Variants in SCAP observed in about 807,000 individuals in gnomAD.
SCAP encodes the protein SREBF chaperone, also known as sterol regulatory element-binding protein cleavage-activating protein.
A neutral mutation model predicts 123.6 loss-of-function variants in SCAP; 65 were observed. That is an observed-to-expected ratio of 0.53 (90% CI 0.43 to 0.65). The LOEUF is 0.65. Ranked by LOEUF, SCAP falls within the 30% of genes least tolerant of loss-of-function variation. SCAP has a pLI of 0.00. For synonymous variants in SCAP, 740 were observed against 726.3 expected (o/e 1.02, Z -0.30); for missense variants, 1,398 against 1,712.5 (o/e 0.82, Z 3.24).
intron 1 of SCAP, chr3:47,469,789 C>A: frequency 3.7e-6 from 2 of 543,586 alleles, no homozygotes; most frequent in South Asian, 2.9e-5. Flanking sequence ...ATTCATTGCT[C>A]AACAAGGAAG....
chr3:47,422,052 C>A (rs778951286), intron 10 of SCAP, among the ~76,000 whole-genome samples: 1 of 152,264 alleles, frequency 6.6e-6, no homozygotes, highest in African/African-American at 2.4e-5. Flanking sequence ...GGTCTAGGAA[C>A]CCCACGGTGC....
intron 18 of SCAP, 107 bp from the exon 19 acceptor site, chr3:47,415,287 G>T: frequency 9.9e-7 from 1 of 1,013,700 alleles, no homozygotes; most frequent in Non-Finnish European, 1.4e-6. Flanking sequence ...GCACAGGAGG[G>T]ACATGGCCAA....
rs761628679 is a variant in SCAP, at chr3:47,420,650, C to A, written c.1467G>T (p.Thr489=). Residue 489 remains threonine, a synonymous_variant, in exon 12 of 23, where the codon ACG becomes ACT. Coordinates refer to ENST00000265565, the MANE Select transcript of SCAP (RefSeq NM_012235.4). The surrounding 1 kb of genome is among the most constrained non-coding windows in gnomAD (Gnocchi z 5.0). ...GGTTTCGGAAGGAAGACGGCTGCAA[C>A]GTGATGGTGTGGGGTGTGGACGGCC... ...AVRPSTPHTI[T]LQPSSFRNLR... 6.2e-7 allele frequency: 1 copy of A among 1,612,104 alleles called. No individual in the cohort carries two copies. Among genetic ancestry groups the A allele is most frequent in the Non-Finnish European group, 8.5e-7 (1 of 1,179,968 alleles).
intron 6 of SCAP, among the ~76,000 whole-genome samples, chr3:47,426,514 T>C (rs1706137722): frequency 6.6e-6 from 1 of 152,184 alleles, no homozygotes; most frequent in South Asian, 2.1e-4. Flanking sequence ...CTGGGCTCAC[T>C]GCAAGCTCCG....
chr3:47,473,977 G>A (rs1708168649), intron 1 of SCAP, among the ~76,000 whole-genome samples: 1 of 152,174 alleles, frequency 6.6e-6, no homozygotes, highest in Admixed American at 6.5e-5. Context: ...AAAAGAGAGA[G>A]CATTCAAGCC....
chr3:47,417,816 G>T lies in SCAP; in HGVS notation c.2458C>A (p.Arg820=). The change falls in exon 17 of 23, where the codon CGG becomes AGG. Residue 820 remains arginine (R), a synonymous_variant. Coordinates refer to ENST00000265565, the MANE Select transcript of SCAP (RefSeq NM_012235.4). ...AGCCCGCTGCCCACGCCACTGTCCC[G>T]GCGCTGCCTGCTGGGGGCCAGGAGG... The part of the protein sequence containing the change: ...TRIPRPGRQR[R]DSGVGSGLEA... 1 of 1,501,462 alleles carries T rather than the reference G, an allele frequency of 6.7e-7. No homozygotes were observed. 93.0% of individuals were successfully genotyped at this position (1,501,462 alleles called of 1,614,324 possible).
At chr3:47,464,765 AACCTTCTC>A (rs1373844620) in intron 1 of SCAP, among the ~76,000 whole-genome samples, 1 of 152,192 alleles carries the variant, frequency 6.6e-6, no homozygotes, top group Non-Finnish European at 1.5e-5. Flanking sequence ...ATTAAGCAAG[AACCTTCTC>A]ACTGCCTCAT....
chr3:47,462,770 A>G (rs78373167), intron 1 of SCAP, among the ~76,000 whole-genome samples: 4 of 144,754 alleles, frequency 2.8e-5, no homozygotes, highest in South Asian at 2.1e-4. Flanking sequence ...AAAAAAAAAA[A>G]AAAAGAAAGA....
In SCAP at chr3:47,420,426, C is replaced by T; in HGVS notation, c.1563+128G>A. 2 of 841,930 alleles carry T rather than the reference C, an allele frequency of 2.4e-6. No individual in the cohort carries two copies. The highest frequency in any genetic ancestry group is 3.6e-6 in the Non-Finnish European group (2 of 557,124). 52.2% of individuals were successfully genotyped at this position (841,930 alleles called of 1,614,324 possible). ...GACACAACGGGCAACTCCCCAGAGC[C>T]AGGCTTCCAGGGGCCACCAGGGCCT... On this transcript the variant is annotated intron_variant, in intron 12 of 22. Transcript: ENST00000265565. This position sits in a 1 kb window ranked among gnomAD's most constrained non-coding sequence, Gnocchi z 5.0.
intron 1 of SCAP, among the ~76,000 whole-genome samples, chr3:47,474,632 C>CA (rs1010914223): frequency 6.6e-6 from 1 of 151,784 alleles, no homozygotes; most frequent in African/African-American, 2.4e-5. Context: ...CCCATCTCTA[C>CA]AAAAAAATAC....
chr3:47,472,814 C>A (rs1708081207), intron 1 of SCAP, among the ~76,000 whole-genome samples: 1 of 152,092 alleles, frequency 6.6e-6, no homozygotes, highest in South Asian at 2.1e-4. Context: ...CGTGCAGTGG[C>A]TCACGCCTGT....
chr3:47,417,632 A>G lies in SCAP; in HGVS notation c.2642T>C (p.Phe881Ser). 6.2e-7 allele frequency: 1 copy of G among 1,608,692 alleles called. No homozygotes were observed. The highest frequency in any genetic ancestry group is 8.5e-7 in the Non-Finnish European group (1 of 1,178,312). ...PDLTCLIDTN[F>S]SAQPRSSQPT... ...CTGTGAGGACCGAGGCTGCGCTGAAAAGTTGGTGTCAATTAAGCAGGTGAG... is the reference window on the plus strand; with the variant it reads ...CTGTGAGGACCGAGGCTGCGCTGAAGAGTTGGTGTCAATTAAGCAGGTGAG... Residue 881 changes from phenylalanine to serine, a missense_variant, in exon 17 of 23, where the codon TTT becomes TCT. Coordinates refer to ENST00000265565, the MANE Select transcript of SCAP (RefSeq NM_012235.4).
In SCAP at chr3:47,420,701, C is replaced by T. The variant is rs769687190; in HGVS notation, c.1416G>A (p.Thr472=). Residue 472 remains threonine, a synonymous_variant, in exon 12 of 23, where the codon ACG becomes ACA. Coordinates refer to ENST00000265565, the MANE Select transcript of SCAP (RefSeq NM_012235.4). This position sits in a 1 kb window ranked among gnomAD's most constrained non-coding sequence, Gnocchi z 5.0. Reference sequence around the variant, plus strand: ...TCACAGCCAGCTGCCGCTCGTAGCGCGTTGGCTGTCCCACTGGCTTGGCTG... The same window carrying T: ...TCACAGCCAGCTGCCGCTCGTAGCGTGTTGGCTGTCCCACTGGCTTGGCTG... The part of the protein sequence containing the change: ...LPSAKPVGQP[T]RYERQLAVRP... 1.2e-5 allele frequency: 20 copies of T among 1,611,604 alleles called. No homozygotes were observed. Among genetic ancestry groups the T allele is most frequent in the East Asian group, 2.2e-5 (1 of 44,896 alleles).
Position 47,423,916 on chromosome 3 carries a change from C to T in SCAP, c.1150+17G>A, listed in dbSNP as rs757283481. On this transcript the variant is annotated intron_variant, in intron 9 of 22. Transcript: ENST00000265565. The stretch of plus-strand genomic sequence containing the variant: ...GCCCCTCCTGCAGCCCTCTGCCCAA[C>T]TCTCCCACTGCGTTACCTTGGGCGA... 6.3e-7 allele frequency: 1 copy of T among 1,587,544 alleles called. No individual in the cohort carries two copies. The highest frequency in any genetic ancestry group is 8.7e-7 in the Non-Finnish European group (1 of 1,155,974).
intron 1 of SCAP, among the ~76,000 whole-genome samples, chr3:47,454,087 G>A (rs1209068000): frequency 6.6e-6 from 1 of 152,152 alleles, no homozygotes; most frequent in Non-Finnish European, 1.5e-5. Context: ...GAATAGACAG[G>A]CCGGGTGCGG....
chr3:47,474,224 C>T (rs888582121), intron 1 of SCAP, among the ~76,000 whole-genome samples: 2 of 149,042 alleles, frequency 1.3e-5, no homozygotes, highest in African/African-American at 4.9e-5. Flanking sequence ...GAGATGGCGC[C>T]ACTGCACTCC....
chr3:47,425,900 C>A, intron 7 of SCAP, 97 bp downstream of exon 7: 1 of 1,397,232 alleles, frequency 7.2e-7, no homozygotes, highest in South Asian at 1.3e-5. Flanking sequence ...TGTTCTATCT[C>A]TCTACCCCAA....
chr3:47,421,784 G>A (rs1180971619), intron 10 of SCAP, among the ~76,000 whole-genome samples: 2 of 148,964 alleles, frequency 1.3e-5, no homozygotes, highest in Non-Finnish European at 2.9e-5. Flanking sequence ...CAGCCCTGGG[G>A]GAAAGACGGG....
intron 7 of SCAP, 65 bp from the exon 8 acceptor site, chr3:47,425,676 G>C (rs538284514): frequency 1.3e-6 from 2 of 1,569,614 alleles, no homozygotes; most frequent in Non-Finnish European, 1.7e-6. Flanking sequence ...TGGGGCTCCC[G>C]GGAGTAGGTT....
Sources: gnomAD v4.1 joint callset for allele counts (sites outside exome capture counted in the v4.1 genomes callset) on GRCh38, gnomAD v4.1.1 for gene constraint, Gnocchi (gnomAD v3.1) non-coding constraint, MANE v1.5 for transcripts, NCBI Gene and HGNC (gene_info 2026-07-23, HGNC 2026-07-21) for gene names.